CLIC5: variants seen among roughly 807,000 people sequenced by gnomAD.
CLIC5 encodes CLIC family member 5, also known as chloride intracellular channel protein 5.
Under a neutral mutation model 24.7 loss-of-function variants are expected in CLIC5, and 20 were observed. The observed-to-expected ratio is 0.81, with a 90% CI of 0.57 to 1.18. The LOEUF is 1.18. Among genes scored for constraint, CLIC5 ranks in the 50% most tolerant of loss-of-function variants. The pLI is 0.00. For synonymous variants in CLIC5, 159 were observed against 135.6 expected (o/e 1.17, Z -1.20); for missense variants, 341 against 326.1 (o/e 1.05, Z -0.35).
chr6:45,930,500 C>T (rs1373792594), intron 4 of CLIC5, among the ~76,000 whole-genome samples: 9 of 152,138 alleles, frequency 5.9e-5, no homozygotes, highest in Non-Finnish European at 1.3e-4. Context: ...TTGTTTGAAC[C>T]GTCTAAGCTT....
At chr6:45,887,517 G>A (rs1018117623) in intron 6 of CLIC5, among the ~76,000 whole-genome samples, 4 of 152,152 alleles carry the variant, frequency 2.6e-5, no homozygotes, top group Admixed American at 2.6e-4. Flanking sequence ...AATGACATCT[G>A]CAAAAACCCT....
chr6:46,104,149 T>C, the CLIC5 span, among the ~76,000 whole-genome samples: 1 of 152,198 alleles, frequency 6.6e-6, no homozygotes, highest in Non-Finnish European at 1.5e-5. Context: ...GGTATGCATA[T>C]TCATATTTAA....
intron 4 of CLIC5, among the ~76,000 whole-genome samples, chr6:45,928,797 G>GTGTGT (rs1763609662): frequency 4.0e-5 from 3 of 74,380 alleles, no homozygotes; most frequent in African/African-American, 1.5e-4. Flanking sequence ...TGTGTGTGTA[G>GTGTGT]AGAGAGAGAG....
chr6:46,063,320 G>A (rs936787219), intron 1 of CLIC5, among the ~76,000 whole-genome samples: 1 of 152,134 alleles, frequency 6.6e-6, no homozygotes, highest in African/African-American at 2.4e-5. Flanking sequence ...TCCACTTCTG[G>A]CCTGACAGAG....
chr6:45,943,455 A>G (rs543913150), intron 3 of CLIC5, among the ~76,000 whole-genome samples: 5 of 152,224 alleles, frequency 3.3e-5, no homozygotes, highest in Non-Finnish European at 7.3e-5. Flanking sequence ...CCTGCAAGAT[A>G]CTAGGTAATC....
chr6:45,991,133 G>A (rs991818517), intron 1 of CLIC5, among the ~76,000 whole-genome samples: 1 of 152,176 alleles, frequency 6.6e-6, no homozygotes, highest in Admixed American at 6.5e-5. Flanking sequence ...GGGATCTATG[G>A]CTTGTTTCTA....
chr6:45,912,708 A>T, intron 5 of CLIC5: 3 of 1,535,538 alleles, frequency 2.0e-6, no homozygotes, highest in Non-Finnish European at 2.6e-6. Flanking sequence ...ACTGAGCTGG[A>T]ATTATATCAT....
intron 1 of CLIC5, among the ~76,000 whole-genome samples, chr6:46,054,329 C>T (rs938751809): frequency 3.9e-5 from 6 of 152,118 alleles, no homozygotes; most frequent in African/African-American, 1.4e-4. Flanking sequence ...ACACTTCTGA[C>T]CTTGCAAAGT....
intron 1 of CLIC5, among the ~76,000 whole-genome samples, chr6:46,064,407 G>A (rs751742493): frequency 3.3e-5 from 5 of 151,796 alleles, no homozygotes; most frequent in Admixed American, 6.6e-5. Flanking sequence ...GAAAATAGAA[G>A]AGGAAACACA....
At chr6:46,072,015 A>G (rs1374629156) in intron 1 of CLIC5, among the ~76,000 whole-genome samples, 1 of 152,154 alleles carries the variant, frequency 6.6e-6, no homozygotes, top group Non-Finnish European at 1.5e-5. Flanking sequence ...GCTCTCACCC[A>G]TAAGTGGGAG....
At chr6:45,967,273 T>G (rs1765047247) in intron 1 of CLIC5, among the ~76,000 whole-genome samples, 1 of 152,138 alleles carries the variant, frequency 6.6e-6, no homozygotes, top group African/African-American at 2.4e-5. Flanking sequence ...TTCCAGAGAC[T>G]GGGGATGTAG....
intron 1 of CLIC5, among the ~76,000 whole-genome samples, chr6:46,025,153 C>T (rs537515807): frequency 3.3e-5 from 5 of 152,140 alleles, no homozygotes; most frequent in East Asian, 1.9e-4. Flanking sequence ...TTCAACCTCT[C>T]GGAGCCTCAG....
intron 1 of CLIC5, among the ~76,000 whole-genome samples, chr6:45,969,136 C>T (rs1765110491): frequency 6.6e-6 from 1 of 152,176 alleles, no homozygotes; most frequent in Non-Finnish European, 1.5e-5. Flanking sequence ...GTCCTCTCTC[C>T]CAGCACCATG....
intron 1 of CLIC5, among the ~76,000 whole-genome samples, chr6:45,974,522 TAGAGAGAGAGAGAG>T (rs58729329): frequency 0.029 from 1,895 of 65,908 alleles, 43 homozygotes; most frequent in African/African-American, 0.063. Context: ...TATATATATA[TAGAGAGAGAGAGAG>T]AGAGAGAGAG....
At chr6:45,997,512 GA>G (rs201284615) in intron 1 of CLIC5, among the ~76,000 whole-genome samples, 15,162 of 130,158 alleles carry the variant, frequency 0.12, 1,036 homozygotes, top group African/African-American at 0.21. Flanking sequence ...AATAATAAAA[GA>G]AAAAAAAAAA....
chr6:45,923,186 G>T (rs1581741762), intron 4 of CLIC5, among the ~76,000 whole-genome samples: 1 of 152,296 alleles, frequency 6.6e-6, no homozygotes, highest in South Asian at 2.1e-4. Flanking sequence ...AATGAATCAG[G>T]CTGAAATCTG....
At position 45,912,567 on chromosome 6, in the gene CLIC5, C is replaced by T. The variant is rs1762859198; in HGVS notation, c.588+1661G>A. On this transcript the variant is annotated intron_variant, in intron 5 of 5. Transcript: ENST00000339561. ...AGGAATACAATCCACTTCTGTTCTT[C>T]TAGGCATGAGAAAAATGAATTCCAA... 3.7e-5 allele frequency: 53 copies of T among 1,424,934 alleles called. 1 individual carries two copies. In the South Asian group the frequency reaches 6.7e-4, roughly 18 times the overall value. 88.3% of individuals were successfully genotyped at this position (1,424,934 alleles called of 1,614,324 possible).
At chr6:45,989,334 T>C (rs1375596776) in intron 1 of CLIC5, among the ~76,000 whole-genome samples, 1 of 152,226 alleles carries the variant, frequency 6.6e-6, no homozygotes, top group African/African-American at 2.4e-5. Context: ...TAGAGCTCTA[T>C]AAATATTCTC....
chr6:45,954,200 G>C (rs142936506), intron 2 of CLIC5, among the ~76,000 whole-genome samples: 2,960 of 149,948 alleles, frequency 0.02, 109 homozygotes, highest in African/African-American at 0.067. Flanking sequence ...TTAAACCCAG[G>C]AGGCAGAGGT....
Sources: gnomAD v4.1 joint callset for allele counts (sites outside exome capture counted in the v4.1 genomes callset) on GRCh38, gnomAD v4.1.1 for gene constraint, MANE v1.5 for transcripts, NCBI Gene and HGNC (gene_info 2026-07-23, HGNC 2026-07-21) for gene names.